Variants in WDR72 observed in about 807,000 individuals in gnomAD.
WDR72 encodes the protein WD repeat-containing protein 72.
A neutral mutation model predicts 124.2 loss-of-function variants in WDR72; 120 were observed. The ratio of observed to expected loss-of-function variants is 0.97; its 90% CI spans 0.83 to 1.12. The LOEUF (loss-of-function observed/expected upper bound fraction) is 1.12, where lower values mean the gene tolerates loss of function less well. Ranked by LOEUF, WDR72 falls within the 50% of genes most tolerant of loss-of-function variation. WDR72 has a pLI of 0.00. For missense variants in WDR72, 1,387 were observed against 1,278.8 expected, an observed-to-expected ratio of 1.08 and a Z score of -1.29; for synonymous variants, 452 against 441.7, an observed-to-expected ratio of 1.02 and a Z score of -0.29.
intron 18 of WDR72, among the ~76,000 whole-genome samples, chr15:53,533,137 T>G (rs1046204977): frequency 5.9e-5 from 9 of 151,962 alleles, no homozygotes; most frequent in African/African-American, 2.2e-4. Context: ...CTTGGAACAC[T>G]GTGTGTGTCT....
chr15:53,528,417 TTATAACTAATAAC>T (rs1892243369), intron 18 of WDR72, among the ~76,000 whole-genome samples: 1 of 152,094 alleles, frequency 6.6e-6, no homozygotes, highest in Admixed American at 6.6e-5. Context: ...TAACGCTTCT[TTATAACTAATAAC>T]TATTTTACAG....
intron 13 of WDR72, among the ~76,000 whole-genome samples, chr15:53,669,523 T>G (rs983659805): frequency 6.6e-6 from 1 of 152,204 alleles, no homozygotes; most frequent in Non-Finnish European, 1.5e-5. Flanking sequence ...TTCTTTATGA[T>G]AGTTAACAAT....
At chr15:53,638,304 C>T (rs2014701664) in intron 14 of WDR72, among the ~76,000 whole-genome samples, 1 of 152,188 alleles carries the variant, frequency 6.6e-6, no homozygotes, top group Admixed American at 6.5e-5. Context: ...GCCAGATATT[C>T]CAGTGCCTTA....
At chr15:53,562,423 C>T (rs1894155961) in intron 18 of WDR72, among the ~76,000 whole-genome samples, 1 of 151,714 alleles carries the variant, frequency 6.6e-6, no homozygotes, top group Admixed American at 6.6e-5. Context: ...TTTGTTAAAA[C>T]ACAAGTTGCT....
intron 18 of WDR72, chr15:53,540,925 C>CT (rs2140256301): frequency 6.4e-6 from 1 of 155,726 alleles, no homozygotes; most frequent in East Asian, 1.9e-4. Flanking sequence ...GAATATTGAG[C>CT]TTTTCGGACC....
chr15:53,564,734 G>A (rs1894236214), intron 18 of WDR72, among the ~76,000 whole-genome samples: 1 of 151,866 alleles, frequency 6.6e-6, no homozygotes. Context: ...GACATTTATT[G>A]CTTCCATGCC....
intron 14 of WDR72, among the ~76,000 whole-genome samples, chr15:53,643,214 G>A (rs59028532): frequency 6.6e-6 from 1 of 152,064 alleles, no homozygotes; most frequent in Non-Finnish European, 1.5e-5. Context: ...ACTGAAAACT[G>A]ATACAGATAT....
chr15:53,631,099 T>G (rs549269713), intron 14 of WDR72, among the ~76,000 whole-genome samples: 54 of 152,306 alleles, frequency 3.5e-4, no homozygotes, highest in Non-Finnish European at 7.4e-4. Context: ...TAATCCCCAA[T>G]GCTGGAGGTG....
At chr15:53,703,944 C>T (rs2017261581) in intron 11 of WDR72, among the ~76,000 whole-genome samples, 1 of 152,076 alleles carries the variant, frequency 6.6e-6, no homozygotes, top group South Asian at 2.1e-4. Flanking sequence ...GTAAATCAGC[C>T]TAGATAAAAA....
At chr15:53,754,742 C>T (rs1450310794) in intron 1 of WDR72, among the ~76,000 whole-genome samples, 1 of 152,120 alleles carries the variant, frequency 6.6e-6, no homozygotes, top group South Asian at 2.1e-4. Context: ...TAATTCACCA[C>T]AATCAGAGAG....
intron 14 of WDR72, among the ~76,000 whole-genome samples, chr15:53,623,346 T>C (rs151012207): frequency 3.9e-5 from 6 of 152,192 alleles, no homozygotes; most frequent in Non-Finnish European, 7.4e-5. Flanking sequence ...TTAGCTTCCA[T>C]TGATAAGTGA....
chr15:53,754,605 G>A (rs1464713997), intron 1 of WDR72, among the ~76,000 whole-genome samples: 3 of 152,174 alleles, frequency 2.0e-5, no homozygotes, highest in South Asian at 4.1e-4. Context: ...TAGTTCATGG[G>A]TGTATAAGAG....
chr15:53,555,728 A>G (rs1337040144), intron 18 of WDR72, among the ~76,000 whole-genome samples: 1 of 152,026 alleles, frequency 6.6e-6, no homozygotes, highest in Non-Finnish European at 1.5e-5. Flanking sequence ...CACTTATTTG[A>G]TTATTTTGCT....
intron 9 of WDR72, among the ~76,000 whole-genome samples, chr15:53,707,973 G>A (rs1057459674): frequency 2.0e-5 from 3 of 152,152 alleles, no homozygotes; most frequent in Admixed American, 2.0e-4. Flanking sequence ...ACTCCTCCCA[G>A]CTGGTGCTTT....
intron 4 of WDR72, 89 bp from the exon 5 acceptor site, chr15:53,715,456 T>C: frequency 6.7e-7 from 1 of 1,488,972 alleles, no homozygotes; most frequent in South Asian, 1.2e-5. Flanking sequence ...GACTTTAGTT[T>C]TAGCATATGA....
intron 18 of WDR72, among the ~76,000 whole-genome samples, chr15:53,554,251 A>G (rs890293653): frequency 1.3e-5 from 2 of 152,094 alleles, no homozygotes; most frequent in Non-Finnish European, 2.9e-5. Context: ...GTAAAATAAC[A>G]TTGTCTCTAC....
chr15:53,668,947 C>CAGGAGGAGGAGG (rs143700484), intron 13 of WDR72, among the ~76,000 whole-genome samples: 17,435 of 83,190 alleles, frequency 0.21, 2,075 homozygotes, highest in East Asian at 0.46. Context: ...GGAGGAGGAG[C>CAGGAGGAGGAGG]AGGAGGAGGA....
chr15:53,579,459 TTTTGG>T (rs2011798415), intron 18 of WDR72, among the ~76,000 whole-genome samples: 1 of 152,102 alleles, frequency 6.6e-6, no homozygotes, highest in Non-Finnish European at 1.5e-5. Context: ...TTTCCCTATC[TTTTGG>T]TGTGTGGTTC....
At chr15:53,572,754 T>A (rs1021269855) in intron 18 of WDR72, among the ~76,000 whole-genome samples, 1 of 152,162 alleles carries the variant, frequency 6.6e-6, no homozygotes, top group African/African-American at 2.4e-5. Flanking sequence ...GATACTTGGA[T>A]TTAAAAAGCC....
Sources: gnomAD v4.1 joint callset for allele counts (sites outside exome capture counted in the v4.1 genomes callset) on GRCh38, gnomAD v4.1.1 for gene constraint, MANE v1.5 for transcripts, NCBI Gene and HGNC (gene_info 2026-07-23, HGNC 2026-07-21) for gene names.